The following CUBN variants were observed in gnomAD, a reference collection of about 807,000 sequenced individuals.
CUBN encodes the protein cubilin.
Under a neutral mutation model 405.3 loss-of-function variants are expected in CUBN, and 282 were observed. That is an observed-to-expected ratio of 0.70 (90% CI 0.63 to 0.77). CUBN has a LOEUF of 0.77. Ranked by LOEUF, CUBN falls within the 30% of genes least tolerant of loss-of-function variation. The pLI is 0.00. For synonymous variants in CUBN, 1,684 were observed against 1,617.0 expected, an observed-to-expected ratio of 1.04 and a Z score of -0.99; for missense variants, 4,514 against 4,475.2, an observed-to-expected ratio of 1.01 and a Z score of -0.25.
chr10:17,079,027 C>T (rs1835914286), intron 17 of CUBN, among the ~76,000 whole-genome samples: 1 of 152,094 alleles, frequency 6.6e-6, no homozygotes, highest in Non-Finnish European at 1.5e-5. Context: ...GTTCTATCAT[C>T]TCTCAGTCTG....
At chr10:17,102,440 C>T (rs961376199) in intron 13 of CUBN, among the ~76,000 whole-genome samples, 2 of 151,676 alleles carry the variant, frequency 1.3e-5, no homozygotes, top group Admixed American at 1.3e-4. Context: ...GCACCCATCA[C>T]CATACCTGGC....
At chr10:17,024,666 G>A (rs1834606056) in intron 27 of CUBN, among the ~76,000 whole-genome samples, 1 of 151,984 alleles carries the variant, frequency 6.6e-6, no homozygotes, top group Non-Finnish European at 1.5e-5. Flanking sequence ...ACCATGCCCA[G>A]CTACTTTTTT....
At chr10:17,057,992 C>G (rs144792512) in intron 22 of CUBN, among the ~76,000 whole-genome samples, 1 of 151,820 alleles carries the variant, frequency 6.6e-6, no homozygotes, top group Non-Finnish European at 1.5e-5. Context: ...CATGGTGGCG[C>G]GCACCTGTAA....
intron 31 of CUBN, among the ~76,000 whole-genome samples, chr10:16,981,393 A>G (rs538342235): frequency 6.6e-6 from 1 of 151,992 alleles, no homozygotes; most frequent in South Asian, 2.1e-4. Context: ...CCACCCTTCA[A>G]TTTGTTCGTG....
intron 43 of CUBN, among the ~76,000 whole-genome samples, chr10:16,923,848 G>A (rs1312244369): frequency 2.6e-5 from 4 of 152,178 alleles, no homozygotes; most frequent in Non-Finnish European, 4.4e-5. Flanking sequence ...AAGGCAGGTG[G>A]CTCACCTGAG....
At chr10:17,110,380 C>G (rs1200137182) in intron 9 of CUBN, among the ~76,000 whole-genome samples, 1 of 152,154 alleles carries the variant, frequency 6.6e-6, no homozygotes, top group African/African-American at 2.4e-5. Context: ...ATCTCTGTAG[C>G]TATTTGACAG....
At chr10:17,076,529 G>A (rs1046691162) in intron 17 of CUBN, among the ~76,000 whole-genome samples, 1 of 151,116 alleles carries the variant, frequency 6.6e-6, no homozygotes, top group African/African-American at 2.4e-5. Flanking sequence ...CATGAACTGG[G>A]ATGGATGGCA....
chr10:17,101,445 G>A (rs1162399590), intron 13 of CUBN, among the ~76,000 whole-genome samples: 2 of 151,978 alleles, frequency 1.3e-5, no homozygotes, highest in African/African-American at 4.8e-5. Flanking sequence ...AATTTATTTT[G>A]GAGTTTATTT....
chr10:17,087,112 T>C (rs951463691), intron 15 of CUBN, among the ~76,000 whole-genome samples: 4 of 149,046 alleles, frequency 2.7e-5, no homozygotes, highest in African/African-American at 9.7e-5. Context: ...CACATCCTTC[T>C]ATCCTTTATG....
chr10:16,963,200 T>C (rs2131651002), intron 31 of CUBN, among the ~76,000 whole-genome samples: 1 of 128,664 alleles, frequency 7.8e-6, no homozygotes, highest in East Asian at 2.1e-4. Context: ...TTTTTTCTTT[T>C]TTTTTTTTTT....
At chr10:17,113,223 C>T (rs1269044469) in intron 8 of CUBN, among the ~76,000 whole-genome samples, 1 of 152,120 alleles carries the variant, frequency 6.6e-6, no homozygotes, top group African/African-American at 2.4e-5. Context: ...TGAGATCATG[C>T]CACTGTACTC....
At chr10:16,926,035 A>G (rs1423166251) in intron 41 of CUBN, among the ~76,000 whole-genome samples, 1 of 152,222 alleles carries the variant, frequency 6.6e-6, no homozygotes, top group Non-Finnish European at 1.5e-5. Context: ...AGATTTCTTT[A>G]TAGATGGGGA....
chr10:16,836,177 AC>A, intron 63 of CUBN, 57 bp downstream of exon 63: 1 of 1,430,860 alleles, frequency 7.0e-7, no homozygotes. Context: ...TAATTATTCT[AC>A]GAATAATGGT....
intron 28 of CUBN, among the ~76,000 whole-genome samples, chr10:17,008,238 G>GGGGT (rs1554809153): frequency 0.082 from 6,593 of 80,862 alleles, 507 homozygotes; most frequent in African/African-American, 0.23. Context: ...GCCCGTGTGT[G>GGGGT]GTGTGTGTGT....
intron 59 of CUBN, among the ~76,000 whole-genome samples, chr10:16,856,532 T>G (rs1839873279): frequency 1.3e-5 from 2 of 152,222 alleles, no homozygotes; most frequent in African/African-American, 4.8e-5. Flanking sequence ...GAGTGAAGCT[T>G]AAGCCAAGAT....
chr10:16,838,707 C>T lies in CUBN; in HGVS notation c.10032+1623G>A, dbSNP rs555114697. On this transcript the variant is annotated intron_variant, in intron 62 of 66. Coordinates refer to ENST00000377833, the MANE Select transcript of CUBN (RefSeq NM_001081.4). ...TCACCCAGGCTGGAGTGCAGTGGCG[C>T]GATCTTGGCTCACTGCAACCTCTGC... Among the ~76,000 whole-genome samples, 6 of 152,266 alleles carry T rather than the reference C, an allele frequency of 3.9e-5. No individual in the cohort carries two copies. In the South Asian group the frequency reaches 8.3e-4, roughly 21 times the overall value.
At chr10:16,917,944 A>T (rs966485017) in intron 45 of CUBN, among the ~76,000 whole-genome samples, 3 of 152,044 alleles carry the variant, frequency 2.0e-5, no homozygotes, top group Admixed American at 6.5e-5. Flanking sequence ...TTAAGTCTTT[A>T]CTCCATCTTG....
At chr10:17,125,923 G>T (rs571196769) in intron 4 of CUBN, among the ~76,000 whole-genome samples, 1 of 152,102 alleles carries the variant, frequency 6.6e-6, no homozygotes, top group Non-Finnish European at 1.5e-5. Context: ...AGGAATACAC[G>T]AACTTGATCA....
Position 16,890,712 on chromosome 10 carries a change from A to G in CUBN, c.8599-185T>C, listed in dbSNP as rs545265183. Reference sequence around the variant, plus strand: ...TTTTTAAAGCTGTTTTTAAAATAGCATGTCCCATTCTTGACTTCTCTAAGG... The same window carrying G: ...TTTTTAAAGCTGTTTTTAAAATAGCGTGTCCCATTCTTGACTTCTCTAAGG... On this transcript the variant is annotated intron_variant, in intron 54 of 66. Transcript: ENST00000377833. 1.4e-4 allele frequency among the ~76,000 whole-genome samples: 21 copies of G among 152,342 alleles called. No homozygotes were observed. The East Asian group carries it at 2.7e-3, about 20-fold the overall frequency.
Sources: gnomAD v4.1 joint callset for allele counts (sites outside exome capture counted in the v4.1 genomes callset) on GRCh38, gnomAD v4.1.1 for gene constraint, MANE v1.5 for transcripts, NCBI Gene and HGNC (gene_info 2026-07-23, HGNC 2026-07-21) for gene names.